Variants in RIN2 observed in about 807,000 individuals in gnomAD.
RIN2 encodes the protein RAB5 interacting protein 2.
A neutral mutation model predicts 78.0 loss-of-function variants in RIN2; 36 were observed. That is an observed-to-expected ratio of 0.46 (90% CI 0.35 to 0.61). RIN2 has a LOEUF of 0.61. RIN2 is among the 20% of genes least tolerant of loss of function. The pLI is 0.00. For missense variants in RIN2, 1,087 were observed against 1,159.7 expected (o/e 0.94, Z 0.91); for synonymous variants, 466 against 466.8 (o/e 1.00, Z 0.02).
chr20:19,917,380 G>A (rs552198684), intron 3 of RIN2, among the ~76,000 whole-genome samples: 1 of 152,304 alleles, frequency 6.6e-6, no homozygotes, highest in African/African-American at 2.4e-5. Context: ...TGATTGCTCT[G>A]CTGCCAATTC....
At chr20:19,886,523 T>TTG (rs2038198021) in intron 2 of RIN2, 1 of 587,152 alleles carries the variant, frequency 1.7e-6, no homozygotes, top group Non-Finnish European at 3.0e-6. Flanking sequence ...TTTACATTCT[T>TTG]TCAGTGGTGT....
At chr20:19,898,161 A>G (rs1056926248) in intron 3 of RIN2, among the ~76,000 whole-genome samples, 1 of 152,230 alleles carries the variant, frequency 6.6e-6, no homozygotes. Flanking sequence ...TCAAAAAGCA[A>G]TGGATCTCAT....
At chr20:19,962,891 A>C (rs1600963358) in intron 6 of RIN2, among the ~76,000 whole-genome samples, 1 of 152,054 alleles carries the variant, frequency 6.6e-6, no homozygotes, top group African/African-American at 2.4e-5. Flanking sequence ...CGGGAGGTGG[A>C]GGTTGCAGTG....
intron 2 of RIN2, among the ~76,000 whole-genome samples, chr20:19,882,354 A>G (rs2038050399): frequency 6.6e-6 from 1 of 152,244 alleles, no homozygotes; most frequent in African/African-American, 2.4e-5. Flanking sequence ...GTTTACAAGG[A>G]AAGTATTCAT....
chr20:19,890,679 CAAA>C (rs534202183), intron 3 of RIN2, among the ~76,000 whole-genome samples: 5 of 64,458 alleles, frequency 7.8e-5, no homozygotes, highest in African/African-American at 2.3e-4. Flanking sequence ...GTTGACTCTA[CAAA>C]AAAAAAAAAA....
intron 2 of RIN2, among the ~76,000 whole-genome samples, chr20:19,850,787 A>G (rs1389294256): frequency 6.6e-6 from 1 of 152,186 alleles, no homozygotes; most frequent in Non-Finnish European, 1.5e-5. Flanking sequence ...CAACATGGTG[A>G]AAACCTGTCT....
chr20:19,897,042 A>T (rs1232185504), intron 3 of RIN2, among the ~76,000 whole-genome samples: 2 of 152,124 alleles, frequency 1.3e-5, no homozygotes, highest in Non-Finnish European at 2.9e-5. Context: ...GTATTATTCC[A>T]TGTCTTTGAA....
At chr20:19,846,979 A>C (rs1053683546) in intron 2 of RIN2, among the ~76,000 whole-genome samples, 1 of 152,214 alleles carries the variant, frequency 6.6e-6, no homozygotes, top group Non-Finnish European at 1.5e-5. Flanking sequence ...TCAAAAGACA[A>C]CAGAAATCCA....
intron 7 of RIN2, among the ~76,000 whole-genome samples, chr20:19,968,285 A>C (rs1301405519): frequency 1.3e-5 from 2 of 152,176 alleles, no homozygotes; most frequent in African/African-American, 2.4e-5. Context: ...TTAGAAATCT[A>C]CGTATAGAGC....
At chr20:19,909,157 C>T (rs1017731200) in intron 3 of RIN2, among the ~76,000 whole-genome samples, 1 of 152,178 alleles carries the variant, frequency 6.6e-6, no homozygotes, top group Non-Finnish European at 1.5e-5. Context: ...AGCCACCGCG[C>T]CCAGTCTGCT....
intron 2 of RIN2, among the ~76,000 whole-genome samples, chr20:19,860,382 C>T (rs927696913): frequency 2.0e-5 from 3 of 151,976 alleles, no homozygotes; most frequent in African/African-American, 4.8e-5. Context: ...AGTGCAGTGG[C>T]TCGATGATCT....
intron 3 of RIN2, among the ~76,000 whole-genome samples, chr20:19,921,398 G>A (rs891409294): frequency 3.9e-5 from 6 of 152,144 alleles, no homozygotes; most frequent in Non-Finnish European, 5.9e-5. Context: ...GATTGGATCC[G>A]AGCTCCGCCT....
chr20:19,953,996 A>G (rs1167626322), intron 4 of RIN2, among the ~76,000 whole-genome samples: 4 of 152,240 alleles, frequency 2.6e-5, no homozygotes, highest in Non-Finnish European at 5.9e-5. Flanking sequence ...AAATAAAAAG[A>G]TAAATCTTGA....
rs753138073 is a variant in RIN2, at chr20:19,974,830, C to G, written c.805C>G (p.Leu269Val). The change falls in exon 9 of 13, where the codon CTG becomes GTG. Residue 269 changes from leucine (L) to valine (V), a missense_variant. Physicochemically the swap from Leu to Val is conservative, Grantham distance 32. Coordinates refer to ENST00000255006, the MANE Select transcript of RIN2 (RefSeq NM_018993.4). ...ELECSQTNGA[L>V]CFINPLFLKV... ...GGAGTGCAGCCAGACCAACGGGGCC[C>G]TGTGCTTTATTAATCCCCTTTTCTT... 1 of 1,613,886 alleles carries G rather than the reference C, an allele frequency of 6.2e-7. No individual in the cohort carries two copies. Among genetic ancestry groups the G allele is most frequent in the African/African-American group, 1.3e-5 (1 of 74,914 alleles).
In RIN2 at chr20:19,767,449, G is replaced by A. The variant is rs188172714; in HGVS notation, c.-163+9122G>A. On this transcript the variant is annotated intron_variant, in intron 1 of 12. Transcript: ENST00000255006. ...GTTTTGTGGCTGGCTCTGGGGAAAA[G>A]AGGTTATGGGTCCTATGACCCACTT... is the stretch of plus-strand genomic sequence containing the variant. Among the ~76,000 whole-genome samples the A allele has an allele frequency of 2.4e-3, 364 of 152,294 alleles. 1 individual carries two copies. Among genetic ancestry groups the A allele is most frequent in the African/African-American group, 8.5e-3 (353 of 41,570 alleles).
chr20:19,999,893 A>G (rs1463877491), intron 12 of RIN2, among the ~76,000 whole-genome samples: 1 of 152,256 alleles, frequency 6.6e-6, no homozygotes. Flanking sequence ...GCCCAGAGCC[A>G]CTAGGAGCCT....
chr20:19,862,622 A>C (rs1175332991), intron 2 of RIN2, among the ~76,000 whole-genome samples: 1 of 149,450 alleles, frequency 6.7e-6, no homozygotes, highest in African/African-American at 2.6e-5. Flanking sequence ...ACAAACAAAC[A>C]AGCAAAAACA....
At chr20:19,964,777 C>A (rs1489937232) in intron 6 of RIN2, among the ~76,000 whole-genome samples, 175 bp from the exon 7 acceptor site, 1 of 152,178 alleles carries the variant, frequency 6.6e-6, no homozygotes, top group Non-Finnish European at 1.5e-5. Context: ...AGATCATCGA[C>A]TGTTTACCGG....
chr20:19,882,690 C>G (rs2038061055), intron 2 of RIN2, among the ~76,000 whole-genome samples: 1 of 152,132 alleles, frequency 6.6e-6, no homozygotes, highest in Admixed American at 6.6e-5. Flanking sequence ...GTTGTGTGAC[C>G]ACTGATCACA....
Sources: allele counts gnomAD v4.1 joint callset (sites outside exome capture counted in the v4.1 genomes callset), GRCh38; gene constraint gnomAD v4.1.1; transcripts MANE v1.5; gene names NCBI Gene and HGNC (gene_info 2026-07-23, HGNC 2026-07-21).